Variants in RASGRF2 observed in about 807,000 individuals in gnomAD.
The protein encoded by RASGRF2 is Ras protein specific guanine nucleotide releasing factor 2.
RASGRF2 carries 76 observed loss-of-function variants against 151.0 expected under a neutral mutation model. The ratio of observed to expected loss-of-function variants is 0.50; its 90% CI spans 0.42 to 0.61. The LOEUF is 0.61. Ranked by LOEUF, RASGRF2 falls within the 20% of genes least tolerant of loss-of-function variation. The pLI is 0.00. For synonymous variants in RASGRF2, 504 were observed against 566.5 expected (o/e 0.89, Z 1.57); for missense variants, 1,148 against 1,564.6 (o/e 0.73, Z 4.49).
Position 81,127,101 on chromosome 5 carries a change from C to G in RASGRF2, c.2624C>G (p.Ser875Cys), listed in dbSNP as rs1465570415. 1 of 1,614,120 alleles carries G rather than the reference C, an allele frequency of 6.2e-7. No homozygotes were observed. The highest frequency in any genetic ancestry group is 1.6e-4 in the Middle Eastern group (1 of 6,062). Residue 875 changes from serine to cysteine, a missense_variant, in exon 17 of 27, where the codon TCT becomes TGT. Transcript: ENST00000265080. ...CAGACGGCGGACAATGCCCACTGCT[C>G]TGTTTCACCGGCTTCTGCTTTTGCA... ...GGQTADNAHC[S>C]VSPASAFAIA...
chr5:81,162,318 G>A (rs1754402921), intron 17 of RASGRF2, among the ~76,000 whole-genome samples: 1 of 151,894 alleles, frequency 6.6e-6, no homozygotes, highest in Non-Finnish European at 1.5e-5. Flanking sequence ...ACCTCTAAAT[G>A]TGGAATGTGC....
chr5:80,981,478 G>A (rs1410213671), intron 1 of RASGRF2, among the ~76,000 whole-genome samples: 1 of 152,154 alleles, frequency 6.6e-6, no homozygotes, highest in Non-Finnish European at 1.5e-5. Flanking sequence ...TGTTGTTGCT[G>A]AGCTCTGAGC....
In RASGRF2 at chr5:81,127,096, C is replaced by T; in HGVS notation, c.2619C>T (p.His873=). The T allele has an allele frequency of 6.2e-7, 1 of 1,614,138 alleles. No individual in the cohort carries two copies. The highest frequency in any genetic ancestry group is 1.1e-5 in the South Asian group (1 of 91,088). ...QPGGQTADNA[H]CSVSPASAFA... is the part of the protein sequence containing the mutation. ...CAGGACAGACGGCGGACAATGCCCA[C>T]TGCTCTGTTTCACCGGCTTCTGCTT... The change falls in exon 17 of 27, where the codon CAC becomes CAT. Residue 873 remains histidine (H), a synonymous_variant. Transcript: ENST00000265080.
In RASGRF2 at chr5:81,113,897, A is replaced by T; in HGVS notation, c.2447A>T (p.Lys816Met). The T allele has an allele frequency of 6.2e-7, 1 of 1,613,752 alleles. No individual in the cohort carries two copies. Among genetic ancestry groups the T allele is most frequent in the South Asian group, 1.1e-5 (1 of 91,024 alleles). Residue 816 changes from lysine (K) to methionine (M), a missense_variant, in exon 15 of 27, where the codon AAG (lysine) becomes ATG (methionine). Transcript: ENST00000265080. ...VDNPRVDLCN[K>M]LKRSIQKAVL... Reference sequence around the variant, plus strand: ...AACCCACGCGTGGATCTGTGTAACAAGCTAAAACGAAGTATTCAAAAAGGT... The same window carrying T: ...AACCCACGCGTGGATCTGTGTAACATGCTAAAACGAAGTATTCAAAAAGGT...
chr5:81,222,937 A>T (rs1755885425), intron 26 of RASGRF2, among the ~76,000 whole-genome samples: 1 of 152,386 alleles, frequency 6.6e-6, no homozygotes, highest in Admixed American at 6.5e-5. Context: ...GGAGTATAGC[A>T]ACTTGACATG....
chr5:81,150,130 C>T (rs1033790786), intron 17 of RASGRF2, among the ~76,000 whole-genome samples: 1 of 152,102 alleles, frequency 6.6e-6, no homozygotes, highest in Non-Finnish European at 1.5e-5. Context: ...TCTTAGGGTA[C>T]GTGGGCCATA....
intron 15 of RASGRF2, among the ~76,000 whole-genome samples, chr5:81,120,343 G>A (rs370119143): frequency 3.9e-5 from 6 of 152,254 alleles, no homozygotes; most frequent in African/African-American, 1.2e-4. Flanking sequence ...TTGGGAGGCC[G>A]AGGTGGAAGG....
intron 17 of RASGRF2, among the ~76,000 whole-genome samples, chr5:81,166,923 G>A (rs1299032942): frequency 6.6e-6 from 1 of 152,160 alleles, no homozygotes; most frequent in Non-Finnish European, 1.5e-5. Flanking sequence ...TTCCCCAGGG[G>A]TAAAGGAAAA....
intron 26 of RASGRF2, 39 bp from the exon 27 acceptor site, chr5:81,225,639 T>C (rs1171609630): frequency 1.9e-6 from 3 of 1,607,920 alleles, no homozygotes; most frequent in African/African-American, 1.3e-5. Flanking sequence ...CACTGGTGTC[T>C]GAAAGAGGTA....
At chr5:81,200,272 TAAAA>T (rs559961232) in intron 18 of RASGRF2, among the ~76,000 whole-genome samples, 4 of 138,286 alleles carry the variant, frequency 2.9e-5, no homozygotes, top group African/African-American at 1.1e-4. Context: ...CCCTGTGATT[TAAAA>T]AAAAAAAAAA....
At chr5:81,073,505 A>G (rs973566001) in intron 5 of RASGRF2, 53 bp downstream of exon 5, 75 of 1,536,512 alleles carry the variant, frequency 4.9e-5, no homozygotes, top group Non-Finnish European at 6.4e-5. Context: ...TTGTATTTCC[A>G]ACAAGAATTT....
intron 1 of RASGRF2, among the ~76,000 whole-genome samples, chr5:81,007,134 C>A (rs1749297628): frequency 6.6e-6 from 1 of 152,172 alleles, no homozygotes. Context: ...TGCCTCTTCT[C>A]CTGTTAACCT....
intron 1 of RASGRF2, among the ~76,000 whole-genome samples, chr5:80,981,980 A>G (rs1179080199): frequency 2.6e-5 from 4 of 152,230 alleles, no homozygotes; most frequent in Non-Finnish European, 4.4e-5. Flanking sequence ...ATAAAGGGAA[A>G]TACAGTTTTA....
chr5:81,148,016 CT>C (rs1321074133), intron 17 of RASGRF2, among the ~76,000 whole-genome samples: 2 of 152,198 alleles, frequency 1.3e-5, no homozygotes. Context: ...CCTTCCTTAC[CT>C]TCCTCACTGG....
chr5:81,166,620 G>A (rs12697916), intron 17 of RASGRF2, among the ~76,000 whole-genome samples: 97,636 of 151,764 alleles, frequency 0.64, 32,258 homozygotes, highest in East Asian at 0.79. Flanking sequence ...AGGCCTCTGT[G>A]CACAGACGGG....
intron 18 of RASGRF2, among the ~76,000 whole-genome samples, chr5:81,192,237 T>C (rs768669620): frequency 1.3e-5 from 2 of 152,220 alleles, no homozygotes; most frequent in African/African-American, 2.4e-5. Flanking sequence ...GTCAGGCATA[T>C]ATTTTCTCTA....
intron 17 of RASGRF2, among the ~76,000 whole-genome samples, chr5:81,143,800 G>C (rs552125226): frequency 3.6e-4 from 54 of 151,382 alleles, no homozygotes; most frequent in African/African-American, 1.2e-3. Flanking sequence ...TGAGGCAGGA[G>C]AATTGCTTGA....
At chr5:81,150,172 G>A (rs865922275) in intron 17 of RASGRF2, among the ~76,000 whole-genome samples, 14 of 152,214 alleles carry the variant, frequency 9.2e-5, no homozygotes, top group Non-Finnish European at 1.2e-4. Flanking sequence ...ATGAGGGCAC[G>A]TAAGAATGGC....
chr5:81,038,713 C>T (rs918909098), intron 1 of RASGRF2, among the ~76,000 whole-genome samples: 1 of 151,302 alleles, frequency 6.6e-6, no homozygotes, highest in Non-Finnish European at 1.5e-5. Context: ...GCAGCTGAGA[C>T]CACAGGTGCA....
Sources: gnomAD v4.1 joint callset for allele counts (sites outside exome capture counted in the v4.1 genomes callset) on GRCh38, gnomAD v4.1.1 for gene constraint, MANE v1.5 for transcripts, NCBI Gene and HGNC (gene_info 2026-07-23, HGNC 2026-07-21) for gene names.